R3HDM2: variants seen among roughly 807,000 people sequenced by gnomAD.
R3HDM2 encodes R3H domain containing 2, also known as R3H domain-containing protein 2.
A neutral mutation model predicts 124.5 loss-of-function variants in R3HDM2; 38 were observed. The ratio of observed to expected loss-of-function variants is 0.31; its 90% CI spans 0.24 to 0.40. The LOEUF (loss-of-function observed/expected upper bound fraction) is 0.40. Among genes scored for constraint, R3HDM2 ranks in the 10% least tolerant of loss-of-function variants. The pLI is 1.00. For missense variants in R3HDM2, 869 were observed against 1,236.9 expected, an observed-to-expected ratio of 0.70 and a Z score of 4.46; for synonymous variants, 391 against 448.0, an observed-to-expected ratio of 0.87 and a Z score of 1.61.
At chr12:57,381,741 G>GCATC (rs2064913298) in intron 2 of R3HDM2, among the ~76,000 whole-genome samples, 1 of 152,008 alleles carries the variant, frequency 6.6e-6, no homozygotes, top group Non-Finnish European at 1.5e-5. Context: ...AGGAAAGTGA[G>GCATC]AATTAGGTGG....
chr12:57,421,830 C>A (rs1162639847), intron 1 of R3HDM2, among the ~76,000 whole-genome samples: 1 of 152,114 alleles, frequency 6.6e-6, no homozygotes, highest in Non-Finnish European at 1.5e-5. Flanking sequence ...CTCATGGTGG[C>A]TCATGCCTGT....
chr12:57,401,917 G>A (rs1017414867), intron 1 of R3HDM2, among the ~76,000 whole-genome samples: 2 of 151,998 alleles, frequency 1.3e-5, no homozygotes, highest in African/African-American at 2.4e-5. Context: ...CCGGGAGGTG[G>A]AGGTTGCAGT....
chr12:57,330,689 C>CCTTTTTTTTTTTTTTTTTTT (rs1566189883), intron 2 of R3HDM2, among the ~76,000 whole-genome samples: 1 of 117,252 alleles, frequency 8.5e-6, no homozygotes. Context: ...ATCTTTAGGG[C>CCTTTTTTTTTTTTTTTTTTT]TTTTCTTTTT....
rs1054144008 is a variant in R3HDM2 at position 57,318,528 on chromosome 12, G to C, written c.-35-8065C>G. Among the ~76,000 whole-genome samples, 5 of 151,774 alleles carry C rather than the reference G, an allele frequency of 3.3e-5. No homozygotes were observed. The East Asian group carries it at 9.7e-4, about 29-fold the overall frequency. On this transcript the variant is annotated intron_variant, in intron 2 of 23. Transcript: ENST00000402412. ...GCCAGGCATGGTGGTGTGTGCCTTAGTCACAGCTTCTCAGGAGCCTGAGGC... is the reference window on the plus strand; with the variant it reads ...GCCAGGCATGGTGGTGTGTGCCTTACTCACAGCTTCTCAGGAGCCTGAGGC...
rs1224859420 is a variant in R3HDM2 at position 57,254,283 on chromosome 12, C to G, written c.*490G>C. The G allele has an allele frequency of 2.2e-6, 1 of 447,858 alleles. No individual in the cohort carries two copies. Among genetic ancestry groups the G allele is most frequent in the African/African-American group, 2.0e-5 (1 of 49,386 alleles). The allele number at this position is 447,858 out of a possible 1,614,324, so 27.7% of individuals were successfully genotyped here. ...TGGAAGGCCAAGGCAGGTGGATCACCTGAGGTCAGGAGTTTGAGGCCAGCC... is the reference window on the plus strand; with the variant it reads ...TGGAAGGCCAAGGCAGGTGGATCACGTGAGGTCAGGAGTTTGAGGCCAGCC... On this transcript the variant is annotated 3_prime_UTR_variant, in exon 24 of 24. Coordinates refer to ENST00000402412, the MANE Select transcript of R3HDM2 (RefSeq NM_001394031.1).
At chr12:57,320,237 G>GGAAACAAGAGT (rs1170258883) in intron 2 of R3HDM2, among the ~76,000 whole-genome samples, 6 of 86,496 alleles carry the variant, frequency 6.9e-5, no homozygotes, top group African/African-American at 2.0e-4. Context: ...CTCCAGCTTG[G>GGAAACAAGAGT]GCAACAAGAG....
At chr12:57,348,693 C>CAAAAAA (rs1168127324) in intron 2 of R3HDM2, among the ~76,000 whole-genome samples, 35 of 25,140 alleles carry the variant, frequency 1.4e-3, no homozygotes, top group South Asian at 4.0e-3. Context: ...GACTCCGTCT[C>CAAAAAA]AAAAAAAAAA....
chr12:57,278,747 C>T (rs111393283), intron 14 of R3HDM2, among the ~76,000 whole-genome samples: 3,667 of 152,272 alleles, frequency 0.024, 61 homozygotes, highest in Non-Finnish European at 0.036. Context: ...CTGACTTAGA[C>T]TAAGATAGAG....
rs570684994 is a variant in R3HDM2, at chr12:57,293,517, C to T, written c.811-850G>A. ...CAGACGGGATGGCTGGGGAGATCACCACCTCTGAGTAGCCTACCATCTAAA... is the reference window on the plus strand; with the variant it reads ...CAGACGGGATGGCTGGGGAGATCACTACCTCTGAGTAGCCTACCATCTAAA... On this transcript the variant is annotated intron_variant, in intron 10 of 23. Transcript: ENST00000402412. Among the ~76,000 whole-genome samples, 11 of 152,130 alleles carry T rather than the reference C, an allele frequency of 7.2e-5. No homozygotes were observed. The South Asian group carries it at 2.3e-3, about 32-fold the overall frequency.
chr12:57,415,914 C>T (rs538540136), intron 1 of R3HDM2, among the ~76,000 whole-genome samples: 3 of 152,242 alleles, frequency 2.0e-5, no homozygotes, highest in South Asian at 2.1e-4. Flanking sequence ...AGACTACAAA[C>T]ATACAACAAT....
chr12:57,293,241 AT>A (rs1001424290), intron 10 of R3HDM2, among the ~76,000 whole-genome samples: 4 of 152,128 alleles, frequency 2.6e-5, no homozygotes, highest in Non-Finnish European at 5.9e-5. Context: ...AAGCCTAAGC[AT>A]TTTTTTCCTG....
chr12:57,355,462 AAAAAAAAAAAGAAAG>A lies in R3HDM2; in HGVS notation c.-36+40272_-36+40286del, dbSNP rs776946189. Among the ~76,000 whole-genome samples the A allele has an allele frequency of 2.2e-3, 325 of 151,148 alleles. 8 individuals are homozygous for A. The East Asian group carries it at 0.048, about 22-fold the overall frequency. ...CAACAGAGCGAGACTGTCTCAAAAA[AAAAAAAAAAAGAAAG>A]AAAAAAAAAAGAAAGAAACACTTTT... On this transcript the variant is annotated intron_variant, in intron 2 of 23. Coordinates refer to ENST00000402412, the MANE Select transcript of R3HDM2 (RefSeq NM_001394031.1).
intron 11 of R3HDM2, among the ~76,000 whole-genome samples, chr12:57,290,079 C>G (rs897282003): frequency 6.6e-6 from 1 of 152,182 alleles, no homozygotes; most frequent in East Asian, 1.9e-4. Context: ...GGCTTGAAGA[C>G]TAGAAATCAG....
At chr12:57,417,188 T>C (rs1313417206) in intron 1 of R3HDM2, among the ~76,000 whole-genome samples, 1 of 150,164 alleles carries the variant, frequency 6.7e-6, no homozygotes, top group Admixed American at 6.6e-5. Context: ...TGGATCACCT[T>C]AGGTCAAGAG....
intron 2 of R3HDM2, among the ~76,000 whole-genome samples, chr12:57,361,048 CAAAA>C (rs35437591): frequency 2.7e-4 from 16 of 60,042 alleles, no homozygotes; most frequent in African/African-American, 1.4e-3. Context: ...AGACACGTCT[CAAAA>C]AAAAAAAAAA....
chr12:57,308,549 C>T (rs573969830), intron 3 of R3HDM2, among the ~76,000 whole-genome samples: 8 of 151,484 alleles, frequency 5.3e-5, no homozygotes, highest in South Asian at 2.1e-4. Flanking sequence ...AGCCGGGTGT[C>T]GTGGCGGGCG....
chr12:57,427,908 G>A (rs1035734399), intron 1 of R3HDM2, among the ~76,000 whole-genome samples: 2 of 151,964 alleles, frequency 1.3e-5, no homozygotes, highest in South Asian at 2.1e-4. Context: ...TTAGGGTCAG[G>A]AGTTGAAGAC....
chr12:57,331,467 T>G (rs1463170450), intron 2 of R3HDM2, among the ~76,000 whole-genome samples: 1 of 152,216 alleles, frequency 6.6e-6, no homozygotes, highest in Non-Finnish European at 1.5e-5. Context: ...GTTTATTATC[T>G]CTCTGTCCCC....
chr12:57,366,799 G>C (rs968211006), intron 2 of R3HDM2, among the ~76,000 whole-genome samples: 6 of 151,990 alleles, frequency 3.9e-5, no homozygotes, highest in Admixed American at 2.0e-4. Context: ...ACGCCATTCT[G>C]CTGCCTCAGC....
Sources: allele counts gnomAD v4.1 joint callset (sites outside exome capture counted in the v4.1 genomes callset), GRCh38; gene constraint gnomAD v4.1.1; transcripts MANE v1.5; gene names NCBI Gene and HGNC (gene_info 2026-07-23, HGNC 2026-07-21).